The following TRAK1 variants were observed in gnomAD, a reference collection of about 807,000 sequenced individuals.
TRAK1 encodes trafficking kinesin protein 1.
In TRAK1, 33 loss-of-function variants were observed where a neutral mutation model predicts 92.1. The ratio of observed to expected loss-of-function variants is 0.36; its 90% CI spans 0.27 to 0.48. The LOEUF (loss-of-function observed/expected upper bound fraction) is 0.48, where lower values mean the gene tolerates loss of function less well. Ranked by LOEUF, TRAK1 falls within the 20% of genes least tolerant of loss-of-function variation. The probability of loss-of-function intolerance (pLI) is 0.99; values close to 1 mark genes in which losing one functional copy is unlikely to be tolerated. For synonymous variants in TRAK1, 521 were observed against 517.3 expected (o/e 1.01, Z -0.10); for missense variants, 1,123 against 1,257.9 (o/e 0.89, Z 1.62).
chr3:42,171,019 G>A (rs112194494), intron 2 of TRAK1, among the ~76,000 whole-genome samples: 2 of 151,866 alleles, frequency 1.3e-5, no homozygotes, highest in African/African-American at 4.8e-5. Flanking sequence ...AGTAGAGACG[G>A]GATTTCACCG....
At chr3:42,188,368 T>C (rs1490702326) in intron 5 of TRAK1, among the ~76,000 whole-genome samples, 1 of 152,246 alleles carries the variant, frequency 6.6e-6, no homozygotes, top group Non-Finnish European at 1.5e-5. Flanking sequence ...CTGGGTCTTA[T>C]TGCTTATTTG....
intron 2 of TRAK1, among the ~76,000 whole-genome samples, chr3:42,145,446 C>T (rs1276946376): frequency 1.3e-5 from 2 of 149,746 alleles, no homozygotes; most frequent in African/African-American, 2.5e-5. Flanking sequence ...GATTGTGCCA[C>T]TGCACTCCAG....
At chr3:42,116,291 G>A (rs1393769589) in intron 1 of TRAK1, among the ~76,000 whole-genome samples, 1 of 152,246 alleles carries the variant, frequency 6.6e-6, no homozygotes, top group Non-Finnish European at 1.5e-5. Context: ...TCAATGAGGA[G>A]GTTGCGCCAG....
intron 1 of TRAK1, among the ~76,000 whole-genome samples, chr3:42,023,439 T>G (rs1701798746): frequency 6.6e-6 from 1 of 152,124 alleles, no homozygotes; most frequent in Admixed American, 6.6e-5. Flanking sequence ...GGCTTTACTT[T>G]GGTAAACGTG....
upstream of TRAK1, among the ~76,000 whole-genome samples, chr3:42,085,328 C>G (rs917113390): frequency 6.6e-6 from 1 of 152,124 alleles, no homozygotes; most frequent in Admixed American, 6.6e-5. Flanking sequence ...CCACGATGCC[C>G]AGCTACTTTT....
intron 1 of TRAK1, among the ~76,000 whole-genome samples, chr3:42,045,325 A>G (rs149221601): frequency 0.012 from 1,786 of 152,282 alleles, 46 homozygotes; most frequent in African/African-American, 0.042. Context: ...ACCTGAGGTC[A>G]GGAGTTTGAG....
At chr3:42,110,440 C>T (rs1412503922) in intron 1 of TRAK1, among the ~76,000 whole-genome samples, 1 of 152,012 alleles carries the variant, frequency 6.6e-6, no homozygotes, top group Non-Finnish European at 1.5e-5. Flanking sequence ...TGGAGTCCTA[C>T]ACACAGAGCT....
chr3:42,030,562 A>G (rs1047044552), intron 1 of TRAK1, among the ~76,000 whole-genome samples: 6 of 148,984 alleles, frequency 4.0e-5, no homozygotes, highest in Non-Finnish European at 7.4e-5. Context: ...AATCCCAGCT[A>G]TTTGGGAGAC....
chr3:42,182,933 A>G (rs748729688), intron 3 of TRAK1, among the ~76,000 whole-genome samples: 1 of 152,042 alleles, frequency 6.6e-6, no homozygotes, highest in African/African-American at 2.4e-5. Context: ...CTGCACCTTT[A>G]CTCTACCTTC....
intron 14 of TRAK1, chr3:42,211,301 T>G (rs1367254034): frequency 1.6e-5 from 16 of 985,342 alleles, no homozygotes; most frequent in Non-Finnish European, 1.8e-5. Context: ...CTTTTTTCCT[T>G]GACATTAATT....
chr3:42,200,607 G>A (rs1346916026), intron 11 of TRAK1, among the ~76,000 whole-genome samples: 1 of 152,176 alleles, frequency 6.6e-6, no homozygotes, highest in African/African-American at 2.4e-5. Flanking sequence ...TTCGAGTCCT[G>A]GGTTTAGTGG....
At chr3:42,186,592 G>T (rs1704891281) in intron 4 of TRAK1, among the ~76,000 whole-genome samples, 1 of 152,172 alleles carries the variant, frequency 6.6e-6, no homozygotes, top group African/African-American at 2.4e-5. Context: ...GGCATGCTGG[G>T]TCAGCCTGGC....
At chr3:42,203,809 CT>C in intron 13 of TRAK1, 2 of 848,842 alleles carry the variant, frequency 2.4e-6, no homozygotes, top group Non-Finnish European at 2.8e-6. Context: ...TGTTTATGTA[CT>C]ATATGTATAT....
intron 1 of TRAK1, among the ~76,000 whole-genome samples, chr3:42,092,885 C>G (rs548025268): frequency 1.1e-4 from 16 of 152,168 alleles, no homozygotes; most frequent in African/African-American, 3.9e-4. Flanking sequence ...CATGCCTGAC[C>G]CAGGATCTTT....
intron 14 of TRAK1, chr3:42,210,213 C>T (rs770587624): frequency 1.9e-5 from 29 of 1,544,134 alleles, no homozygotes; most frequent in Middle Eastern, 1.7e-4. Context: ...AGGCACCATC[C>T]GTAGTGGTTC....
At chr3:42,068,383 C>A (rs1440777881) in intron 1 of TRAK1, among the ~76,000 whole-genome samples, 2 of 152,110 alleles carry the variant, frequency 1.3e-5, no homozygotes, top group African/African-American at 4.8e-5. Flanking sequence ...CCAGGCTGGT[C>A]TCGAACTTTT....
intron 1 of TRAK1, among the ~76,000 whole-genome samples, chr3:42,074,525 G>A (rs1704065419): frequency 6.6e-6 from 1 of 152,164 alleles, no homozygotes; most frequent in African/African-American, 2.4e-5. Context: ...CAAGGTCTTG[G>A]AGTGCCCACC....
chr3:42,070,075 C>T (rs1459660679), intron 1 of TRAK1, among the ~76,000 whole-genome samples: 1 of 151,944 alleles, frequency 6.6e-6, no homozygotes, highest in Non-Finnish European at 1.5e-5. Flanking sequence ...TGGTCTCAAA[C>T]TCTGGACCTC....
chr3:42,183,881 G>A (rs987020978), intron 3 of TRAK1, among the ~76,000 whole-genome samples: 7 of 151,942 alleles, frequency 4.6e-5, no homozygotes, highest in African/African-American at 9.7e-5. Flanking sequence ...ATCAGGGGAC[G>A]TCTTTTTTCC....
Sources: gnomAD v4.1 joint callset for allele counts (sites outside exome capture counted in the v4.1 genomes callset) on GRCh38, gnomAD v4.1.1 for gene constraint, MANE v1.5 for transcripts, NCBI Gene and HGNC (gene_info 2026-07-23, HGNC 2026-07-21) for gene names.